The following ST6GAL1 variants were observed in gnomAD, a reference collection of about 807,000 sequenced individuals.
ST6GAL1 encodes the protein beta-galactoside alpha-2,6-sialyltransferase 1.
ST6GAL1 carries 20 observed loss-of-function variants against 38.0 expected under a neutral mutation model. That is an observed-to-expected ratio of 0.53 (90% CI 0.37 to 0.77). The LOEUF is 0.77. ST6GAL1 is among the 30% of genes least tolerant of loss of function. ST6GAL1 has a pLI of 0.00. For missense variants in ST6GAL1, 432 were observed against 496.4 expected (o/e 0.87, Z 1.23); for synonymous variants, 196 against 188.2 (o/e 1.04, Z -0.34).
At chr3:187,017,557 A>G (rs893077866) in intron 2 of ST6GAL1, among the ~76,000 whole-genome samples, 1 of 152,018 alleles carries the variant, frequency 6.6e-6, no homozygotes, top group African/African-American at 2.4e-5. Flanking sequence ...TTTCTCCTCC[A>G]TGTTCCCTTC....
chr3:186,974,267 T>A (rs1715448535), intron 2 of ST6GAL1, among the ~76,000 whole-genome samples: 1 of 152,154 alleles, frequency 6.6e-6, no homozygotes. Context: ...TCCTTGAGAT[T>A]ACCCATATCC....
Position 187,076,417 on chromosome 3 carries a change from TA to T in ST6GAL1, c.*615del, listed in dbSNP as rs1178496680. ...GTGCTTATGATTAAAGGGTCTTGGT[TA>T]GCCCACTTTCCCTCTCCATGTGGAG... On this transcript the variant is annotated 3_prime_UTR_variant, in exon 8 of 8. Coordinates refer to ENST00000169298, the MANE Select transcript of ST6GAL1 (RefSeq NM_173216.2). The T allele has an allele frequency of 6.2e-6, 1 of 160,526 alleles. No homozygotes were observed. Among genetic ancestry groups the T allele is most frequent in the East Asian group, 1.8e-4 (1 of 5,444 alleles). 9.9% of individuals were successfully genotyped at this position (160,526 alleles called of 1,614,324 possible). A position where few individuals can be genotyped will look rare whatever the true frequency, so the allele number is the denominator to read the frequency against.
In ST6GAL1 at chr3:186,984,745, TCCCTCCC is replaced by T. The variant is rs1715818495; in HGVS notation, c.-183+20820_-183+20826del. Among the ~76,000 whole-genome samples the T allele has an allele frequency of 3.1e-3, 105 of 33,832 alleles. 4 individuals carry two copies. The South Asian group carries it at 0.11, about 35-fold the overall frequency. The allele number at this position is 33,832 out of a possible 152,430, so 22.2% of individuals were successfully genotyped here. ...TTCCTCCCTTCCTTCCTTCCTTCCC[TCCCTCCC>T]TCCCTCCCTCCCTCCTTCCTTCCTT... On this transcript the variant is annotated intron_variant, in intron 2 of 7. Coordinates refer to ENST00000169298, the MANE Select transcript of ST6GAL1 (RefSeq NM_173216.2).
At chr3:187,017,644 G>A (rs1717160828) in intron 2 of ST6GAL1, among the ~76,000 whole-genome samples, 2 of 152,198 alleles carry the variant, frequency 1.3e-5, no homozygotes, top group Non-Finnish European at 2.9e-5. Flanking sequence ...GACGAGCGAG[G>A]TAAACAGTTG....
intron 1 of ST6GAL1, chr3:186,931,458 C>T (rs976915087): frequency 6.6e-6 from 1 of 152,356 alleles, no homozygotes; most frequent in Non-Finnish European, 1.5e-5. Context: ...AAGAAAGCAG[C>T]TACAAAAAGG....
chr3:186,955,030 G>A (rs1052691135), intron 1 of ST6GAL1, among the ~76,000 whole-genome samples: 2 of 152,186 alleles, frequency 1.3e-5, no homozygotes, highest in African/African-American at 4.8e-5. Context: ...AATGGGTCCA[G>A]TTTCAATTTG....
chr3:186,985,919 G>A (rs2108541314), intron 2 of ST6GAL1, among the ~76,000 whole-genome samples: 1 of 152,368 alleles, frequency 6.6e-6, no homozygotes, highest in Admixed American at 6.5e-5. Context: ...GGTCCCAGGG[G>A]AGGCTAAGCT....
At chr3:187,065,818 T>A (rs555086168) in intron 5 of ST6GAL1, among the ~76,000 whole-genome samples, 2 of 152,342 alleles carry the variant, frequency 1.3e-5, no homozygotes, top group East Asian at 1.9e-4. Context: ...ATATTATATA[T>A]ACCATCTAAG....
chr3:187,056,445 A>G (rs4482660), intron 5 of ST6GAL1, among the ~76,000 whole-genome samples: 15,189 of 152,118 alleles, frequency 0.1, 2,540 homozygotes, highest in African/African-American at 0.34. Flanking sequence ...GGTACCAGTT[A>G]TTCCTTTCCA....
At chr3:186,977,302 T>C (rs1450477199) in intron 2 of ST6GAL1, among the ~76,000 whole-genome samples, 1 of 152,210 alleles carries the variant, frequency 6.6e-6, no homozygotes. Flanking sequence ...CCACCACCGC[T>C]AGCAGAACCC....
intron 5 of ST6GAL1, among the ~76,000 whole-genome samples, chr3:187,069,173 T>C (rs1368464426): frequency 6.6e-6 from 1 of 151,974 alleles, no homozygotes; most frequent in Non-Finnish European, 1.5e-5. Context: ...TCTCGCTCTG[T>C]CGCCAGGCTA....
chr3:187,016,449 C>G (rs1717117923), intron 2 of ST6GAL1, among the ~76,000 whole-genome samples: 1 of 152,114 alleles, frequency 6.6e-6, no homozygotes, highest in Admixed American at 6.6e-5. Flanking sequence ...TGGTGGAGGA[C>G]TCCTCACTGC....
chr3:187,005,231 G>A (rs1716742097), intron 2 of ST6GAL1, among the ~76,000 whole-genome samples: 1 of 151,520 alleles, frequency 6.6e-6, no homozygotes, highest in African/African-American at 2.4e-5. Context: ...TGGGTCTGTG[G>A]GGTTCATTAT....
At chr3:186,982,254 G>T (rs778930697) in intron 2 of ST6GAL1, among the ~76,000 whole-genome samples, 4 of 152,228 alleles carry the variant, frequency 2.6e-5, no homozygotes, top group Non-Finnish European at 5.9e-5. Flanking sequence ...GCAAAGCTAT[G>T]TACAAATTGC....
intron 2 of ST6GAL1, among the ~76,000 whole-genome samples, chr3:186,966,561 G>A (rs1206705885): frequency 6.6e-6 from 1 of 152,192 alleles, no homozygotes; most frequent in Non-Finnish European, 1.5e-5. Context: ...TCTCCCGTCG[G>A]GGAATATCAT....
chr3:186,938,750 ACCC>A (rs1384454446), intron 1 of ST6GAL1, among the ~76,000 whole-genome samples: 11 of 152,146 alleles, frequency 7.2e-5, no homozygotes, highest in African/African-American at 2.7e-4. Context: ...AGTGTAAGGA[ACCC>A]TATATCATAT....
intron 1 of ST6GAL1, among the ~76,000 whole-genome samples, chr3:186,933,398 A>G (rs914844384): frequency 4.6e-5 from 7 of 152,090 alleles, no homozygotes; most frequent in African/African-American, 1.7e-4. Context: ...TCTCCCTTCA[A>G]TGTCCAGTGT....
chr3:187,056,259 A>G (rs1348123720), intron 5 of ST6GAL1, among the ~76,000 whole-genome samples: 1 of 152,152 alleles, frequency 6.6e-6, no homozygotes, highest in East Asian at 1.9e-4. Flanking sequence ...ACTCTATCCA[A>G]TTTGCCAGCC....
chr3:187,064,598 C>T, intron 5 of ST6GAL1: 1 of 456,748 alleles, frequency 2.2e-6, no homozygotes, highest in South Asian at 1.5e-5. Context: ...TCAAGAGAGC[C>T]TTTCCTGCTG....
Sources: gnomAD v4.1 joint callset for allele counts (sites outside exome capture counted in the v4.1 genomes callset) on GRCh38, gnomAD v4.1.1 for gene constraint, MANE v1.5 for transcripts, NCBI Gene and HGNC (gene_info 2026-07-23, HGNC 2026-07-21) for gene names.